Variants in SGK3 observed in about 807,000 individuals in gnomAD.
The protein encoded by SGK3 is serine/threonine-protein kinase Sgk3.
In SGK3, 47 loss-of-function variants were observed where a neutral mutation model predicts 68.5. The observed-to-expected ratio is 0.69, with a 90% CI of 0.54 to 0.87. The LOEUF is 0.87. SGK3 is among the 40% of genes least tolerant of loss of function. The pLI is 0.00. For synonymous variants in SGK3, 181 were observed against 189.1 expected (o/e 0.96, Z 0.35); for missense variants, 479 against 575.5 (o/e 0.83, Z 1.72).
rs577719131 is a variant in SGK3, at chr8:66,828,361, A to G, written c.418-293A>G. 3.9e-5 allele frequency among the ~76,000 whole-genome samples: 6 copies of G among 152,312 alleles called. No individual in the cohort carries two copies. In the East Asian group the frequency reaches 1.2e-3, roughly 29 times the overall value. ...TTGCAGTTGCAATACCCACCTCCTC[A>G]AAGGAGCTTTCCTCAGTTTATTTCA... On this transcript the variant is annotated intron_variant, in intron 6 of 16. Transcript: ENST00000521198.
intron 1 of SGK3, among the ~76,000 whole-genome samples, chr8:66,753,858 C>T (rs549187776): frequency 6.6e-6 from 1 of 152,134 alleles, no homozygotes; most frequent in African/African-American, 2.4e-5. Context: ...TGATCTCCCC[C>T]TCTCCATACC....
intron 8 of SGK3, among the ~76,000 whole-genome samples, chr8:66,834,296 G>A (rs1809418729): frequency 6.6e-6 from 1 of 151,722 alleles, no homozygotes; most frequent in African/African-American, 2.4e-5. Context: ...TGAAAGAATT[G>A]AGACAGACAG....
chr8:66,791,240 T>C (rs975526288), intron 1 of SGK3, among the ~76,000 whole-genome samples: 1 of 152,188 alleles, frequency 6.6e-6, no homozygotes, highest in Admixed American at 6.5e-5. Context: ...TCTTACCCTC[T>C]AATTTGTTAG....
intron 6 of SGK3, among the ~76,000 whole-genome samples, chr8:66,823,708 T>G (rs1218496955): frequency 6.8e-6 from 1 of 146,386 alleles, no homozygotes; most frequent in Admixed American, 6.7e-5. Context: ...TGTTGTTTTT[T>G]AAACTAGATG....
intron 1 of SGK3, among the ~76,000 whole-genome samples, chr8:66,726,822 A>AG (rs1804999208): frequency 6.6e-6 from 1 of 150,604 alleles, no homozygotes; most frequent in South Asian, 2.1e-4. Context: ...AAAAAAAAAA[A>AG]AGATTTAAAA....
intron 5 of SGK3, among the ~76,000 whole-genome samples, chr8:66,815,027 G>A (rs578232781): frequency 1.3e-5 from 2 of 152,162 alleles, no homozygotes; most frequent in South Asian, 4.1e-4. Flanking sequence ...ATGGGCAATG[G>A]TGTAAATATG....
At chr8:66,730,702 T>C (rs1310357962) in intron 1 of SGK3, among the ~76,000 whole-genome samples, 1 of 152,136 alleles carries the variant, frequency 6.6e-6, no homozygotes, top group East Asian at 1.9e-4. Context: ...TGTTTGTTTG[T>C]TTGTTTTGAG....
chr8:66,735,476 T>C (rs1805292504), intron 1 of SGK3, among the ~76,000 whole-genome samples: 1 of 152,212 alleles, frequency 6.6e-6, no homozygotes, highest in Non-Finnish European at 1.5e-5. Flanking sequence ...ATTATAAAGC[T>C]TGGGTCCCCT....
intron 1 of SGK3, among the ~76,000 whole-genome samples, chr8:66,764,724 C>T (rs1178541075): frequency 6.6e-6 from 1 of 152,128 alleles, no homozygotes; most frequent in Admixed American, 6.5e-5. Context: ...TGGCAACTAC[C>T]AATCTGTTTC....
At chr8:66,735,372 G>T (rs1354710363) in intron 1 of SGK3, among the ~76,000 whole-genome samples, 1 of 152,216 alleles carries the variant, frequency 6.6e-6, no homozygotes, top group South Asian at 2.1e-4. Flanking sequence ...CAGGCGTATA[G>T]CTCTCTTAAA....
intron 15 of SGK3, 72 bp downstream of exon 15, chr8:66,847,420 T>C: frequency 6.4e-7 from 1 of 1,574,796 alleles, no homozygotes; most frequent in Non-Finnish European, 8.6e-7. Flanking sequence ...CTTTATTTTA[T>C]ATGGTATTTA....
Position 66,831,105 on chromosome 8 carries a change from A to T in SGK3, c.468-149A>T, listed in dbSNP as rs766301787. On this transcript the variant is annotated intron_variant, in intron 7 of 16. Coordinates refer to ENST00000521198, the MANE Select transcript of SGK3 (RefSeq NM_001033578.3). ...ACATATTACCTACTGTGCATGAAAG[A>T]TGAAGTACTCAGCAGGAAAGCTAGA... The T allele has an allele frequency of 3.8e-6, 3 of 791,048 alleles. No homozygotes were observed. In the East Asian group the frequency reaches 7.9e-5, roughly 21 times the overall value. 49.0% of individuals were successfully genotyped at this position (791,048 alleles called of 1,614,324 possible). A position where few individuals can be genotyped will look rare whatever the true frequency, so the allele number is the denominator to read the frequency against.
intron 3 of SGK3, among the ~76,000 whole-genome samples, chr8:66,800,351 A>C (rs2130597835): frequency 6.7e-6 from 1 of 148,464 alleles, no homozygotes; most frequent in East Asian, 1.9e-4. Flanking sequence ...AAAAAAAAAA[A>C]AGTGGCGGGG....
chr8:66,758,089 C>T (rs993534237), intron 1 of SGK3, among the ~76,000 whole-genome samples: 1 of 150,632 alleles, frequency 6.6e-6, no homozygotes, highest in African/African-American at 2.5e-5. Flanking sequence ...CAAGGTGGCT[C>T]ACACCTGTAA....
chr8:66,794,820 G>T (rs1027632453), intron 2 of SGK3, among the ~76,000 whole-genome samples: 1 of 152,148 alleles, frequency 6.6e-6, no homozygotes, highest in African/African-American at 2.4e-5. Flanking sequence ...TTTGCCATTT[G>T]AGCTATAAAG....
intron 1 of SGK3, among the ~76,000 whole-genome samples, chr8:66,731,974 G>A (rs145196116): frequency 1.3e-5 from 2 of 152,192 alleles, no homozygotes; most frequent in African/African-American, 4.8e-5. Context: ...TCTCAAACTA[G>A]CATTCATATT....
At chr8:66,844,692 G>T (rs1408455015) in intron 14 of SGK3, among the ~76,000 whole-genome samples, 1 of 152,152 alleles carries the variant, frequency 6.6e-6, no homozygotes. Flanking sequence ...GATGTTAAAT[G>T]CCACTGTCAG....
At chr8:66,760,795 AT>A (rs1806144207) in intron 1 of SGK3, among the ~76,000 whole-genome samples, 2 of 152,158 alleles carry the variant, frequency 1.3e-5, no homozygotes, top group South Asian at 4.1e-4. Flanking sequence ...TAATCATAAG[AT>A]TTTGATATAT....
At chr8:66,786,881 T>C (rs1413217361) in intron 1 of SGK3, among the ~76,000 whole-genome samples, 1 of 150,686 alleles carries the variant, frequency 6.6e-6, no homozygotes, top group Non-Finnish European at 1.5e-5. Flanking sequence ...TGCTTGTCAG[T>C]CTTCCCTGTT....
Sources: gnomAD v4.1 joint callset for allele counts (sites outside exome capture counted in the v4.1 genomes callset) on GRCh38, gnomAD v4.1.1 for gene constraint, MANE v1.5 for transcripts, NCBI Gene and HGNC (gene_info 2026-07-23, HGNC 2026-07-21) for gene names.